The following MRPL9 variants were observed in gnomAD, a reference collection of about 807,000 sequenced individuals.
The protein encoded by MRPL9 is mitochondrial ribosomal protein L9.
MRPL9 carries 25 observed loss-of-function variants against 27.6 expected under a neutral mutation model. The ratio of observed to expected loss-of-function variants is 0.91; its 90% CI spans 0.66 to 1.27. The LOEUF (loss-of-function observed/expected upper bound fraction) is 1.27, where lower values mean the gene tolerates loss of function less well. MRPL9 is among the 50% of genes most tolerant of loss of function. MRPL9 has a pLI of 0.00. For synonymous variants in MRPL9, 154 were observed against 139.0 expected (o/e 1.11, Z -0.76); for missense variants, 362 against 338.0 (o/e 1.07, Z -0.56).
intron 3 of MRPL9, 56 bp downstream of exon 3, chr1:151,762,320 G>A (rs1204565569): frequency 9.3e-6 from 15 of 1,608,428 alleles, no homozygotes; most frequent in Non-Finnish European, 1.0e-5. Context: ...GAAGGAAGCT[G>A]CAAGAGAAAA....
At chr1:151,760,469 A>AG (rs1248401510) in intron 6 of MRPL9, among the ~76,000 whole-genome samples, 1 of 147,242 alleles carries the variant, frequency 6.8e-6, no homozygotes, top group African/African-American at 2.5e-5. Flanking sequence ...CCCAGCTACT[A>AG]GGGGGACTGA....
In MRPL9 at chr1:151,760,903, C is replaced by CAAAAAAAAAAAAAAAAAAAAAAAAAAA. The variant is rs755031728; in HGVS notation, c.589-5_589-4insTTTTTTTTTTTTTTTTTTTTTTTTTTT. ...GTGGGGCAACCACAACACCAAGCTG[C>CAAAAAAAAAAAAAAAAAAAAAAAAAAA]AAAAAAAAAAAAAAAAAAAAAAATC... On this transcript the variant is annotated splice_polypyrimidine_tract_variant and splice_region_variant and intron_variant, in intron 5 of 6. Transcript: ENST00000368830. 23 of 953,912 alleles carry CAAAAAAAAAAAAAAAAAAAAAAAAAAA rather than the reference C, an allele frequency of 2.4e-5. No individual in the cohort carries two copies. Among genetic ancestry groups the CAAAAAAAAAAAAAAAAAAAAAAAAAAA allele is most frequent in the African/African-American group, 1.1e-4 (4 of 35,842 alleles). 59.1% of individuals were successfully genotyped at this position (953,912 alleles called of 1,614,324 possible). A position where few individuals can be genotyped will look rare whatever the true frequency, so the allele number is the denominator to read the frequency against.
In MRPL9 at chr1:151,762,317, G is replaced by A. The variant is rs775419620; in HGVS notation, c.435+59C>T. 26 of 1,606,422 alleles carry A rather than the reference G, an allele frequency of 1.6e-5. No homozygotes were observed. The African/African-American group carries it at 2.4e-4, about 15-fold the overall frequency. ...TAAGTTAAATGTCAAAGGGAAGGAA[G>A]CTGCAAGAGAAAAGAAGTTTTATCT... is the stretch of plus-strand genomic sequence containing the variant. On this transcript the variant is annotated intron_variant, in intron 3 of 6. Coordinates refer to ENST00000368830, the MANE Select transcript of MRPL9 (RefSeq NM_031420.4).
chr1:151,761,391 T>G (rs1012301273), intron 5 of MRPL9, 60 bp downstream of exon 5: 1 of 1,190,320 alleles, frequency 8.4e-7, no homozygotes, highest in Non-Finnish European at 1.3e-6. Flanking sequence ...ATCCCAGGCC[T>G]CCTTTCCAGA....
In MRPL9 at chr1:151,760,921, A is replaced by AAAAAAAAAT. The variant is rs1553276958; in HGVS notation, c.589-23_589-22insATTTTTTTT. ...CAAGCTGCAAAAAAAAAAAAAAAAA[A>AAAAAAAAAT]AAAAATCTCAGCTCAAATGAACTCT... On this transcript the variant is annotated intron_variant, in intron 5 of 6. Coordinates refer to ENST00000368830, the MANE Select transcript of MRPL9 (RefSeq NM_031420.4). 106 of 1,541,060 alleles carry AAAAAAAAAT rather than the reference A, an allele frequency of 6.9e-5. 1 individual carries two copies. In the African/African-American group the frequency reaches 1.4e-3, roughly 20 times the overall value.
intron 4 of MRPL9, 25 bp downstream of exon 4, chr1:151,762,079 TA>T: frequency 1.3e-6 from 2 of 1,599,198 alleles, no homozygotes; most frequent in Non-Finnish European, 8.5e-7. Context: ...TTGTGACAAA[TA>T]AACACTTTTT....
chr1:151,762,596 G>A, intron 2 of MRPL9, 96 bp from the exon 3 acceptor site: 1 of 1,304,784 alleles, frequency 7.7e-7, no homozygotes, highest in Middle Eastern at 2.2e-4. Context: ...TTCTCACAGT[G>A]CTTATTTTTC....
intron 5 of MRPL9, 49 bp downstream of exon 5, chr1:151,761,402 G>C: frequency 7.5e-7 from 1 of 1,332,212 alleles, no homozygotes; most frequent in Non-Finnish European, 1.1e-6. Context: ...CCTTTCCAGA[G>C]GCAGCTTCCA....
chr1:151,763,257 C>A, intron 1 of MRPL9, 70 bp downstream of exon 1: 2 of 1,540,470 alleles, frequency 1.3e-6, no homozygotes, highest in Non-Finnish European at 1.8e-6. Flanking sequence ...TCGGCCCCCT[C>A]CAGGTCCCAG....
chr1:151,759,906 C>T lies in MRPL9; in HGVS notation c.*144G>A. 1 of 1,055,132 alleles carries T rather than the reference C, an allele frequency of 9.5e-7. No homozygotes were observed. The highest frequency in any genetic ancestry group is 2.8e-5 in the East Asian group (1 of 35,408). 65.4% of individuals were successfully genotyped at this position (1,055,132 alleles called of 1,614,324 possible). On this transcript the variant is annotated 3_prime_UTR_variant, in exon 7 of 7. Coordinates refer to ENST00000368830, the MANE Select transcript of MRPL9 (RefSeq NM_031420.4). ...AAGATGGCAAAAATGAAGAATTCAACATGTATACGCAGTGCAGTCTGATGT... is the reference window on the plus strand; with the variant it reads ...AAGATGGCAAAAATGAAGAATTCAATATGTATACGCAGTGCAGTCTGATGT...
rs1647993771 is a variant in MRPL9, at chr1:151,760,104, G to GTACT, written c.746_749dup (p.Tyr250Ter). ...CCTTGGCAGCTTGCTGGGCTAACCA[G>GTACT]TACTTATATCTTTTGGTCTTGGGCT... On this transcript the variant is annotated stop_gained and frameshift_variant, in exon 7 of 7. Transcript: ENST00000368830. LOFTEE classifies it low-confidence loss of function (END_TRUNC). 1 of 1,614,158 alleles carries GTACT rather than the reference G, an allele frequency of 6.2e-7. No individual in the cohort carries two copies. The highest frequency in any genetic ancestry group is 1.3e-5 in the African/African-American group (1 of 75,038).
intron 5 of MRPL9, among the ~76,000 whole-genome samples, 158 bp downstream of exon 5, chr1:151,761,293 A>C (rs1246345960): frequency 6.6e-6 from 1 of 152,154 alleles, no homozygotes; most frequent in Non-Finnish European, 1.5e-5. Context: ...GTCCTTAGCC[A>C]TTTCCTTCCC....
chr1:151,761,548 ACTGT>A lies in MRPL9; in HGVS notation c.487_490del (p.Thr163Ter). 6.2e-7 allele frequency: 1 copy of A among 1,608,802 alleles called. No individual in the cohort carries two copies. Among genetic ancestry groups the A allele is most frequent in the South Asian group, 1.1e-5 (1 of 90,980 alleles). ...CAGGCGACAGCTTTTTAGAAATTTC[ACTGT>A]CTGAAAGGAATTATGAGTTTGAGTC... On this transcript the variant is annotated frameshift_variant and splice_region_variant, in exon 5 of 7. Transcript: ENST00000368830. LOFTEE classifies it high-confidence loss of function.
chr1:151,762,445 T>TCGA lies in MRPL9; in HGVS notation c.363_365dup (p.Arg122dup). 3 of 1,613,280 alleles carry TCGA rather than the reference T, an allele frequency of 1.9e-6. No individual in the cohort carries two copies. Among genetic ancestry groups the TCGA allele is most frequent in the Non-Finnish European group, 8.5e-7 (1 of 1,179,798 alleles). On this transcript the variant is annotated inframe_insertion, in exon 3 of 7. Transcript: ENST00000368830. ...ATACAGCCAGTCCCTGAGGAAGGAG[T>TCGA]CGATTCCGGCCTAAAGATTTCTTCA... is the stretch of plus-strand genomic sequence containing the variant.
chr1:151,762,640 C>G, intron 2 of MRPL9, 140 bp from the exon 3 acceptor site: 1 of 877,288 alleles, frequency 1.1e-6, no homozygotes. Context: ...TCACTAGGAA[C>G]AAGATTTAAG....
At chr1:151,760,921 A>AAAAAAAAAAAAAAAAAAAAAT (rs1553276958) in intron 5 of MRPL9, 22 bp from the exon 6 acceptor site, 1 of 1,539,428 alleles carries the variant, frequency 6.5e-7, no homozygotes, top group African/African-American at 1.5e-5. Flanking sequence ...AAAAAAAAAA[A>AAAAAAAAAAAAAAAAAAAAAT]AAAAATCTCA....
intron 6 of MRPL9, among the ~76,000 whole-genome samples, 173 bp downstream of exon 6, chr1:151,760,643 C>T (rs1212098616): frequency 4.1e-5 from 6 of 144,890 alleles, no homozygotes; most frequent in Non-Finnish European, 9.0e-5. Flanking sequence ...CGGTGGCTAA[C>T]GCCTGTAGTC....
Position 151,761,436 on chromosome 1 carries a change from G to C in MRPL9, c.588+15C>G, listed in dbSNP as rs1648075418. The C allele has an allele frequency of 3.8e-6, 6 of 1,595,596 alleles. No individual in the cohort carries two copies. In the Admixed American group the frequency reaches 1.0e-4, roughly 27 times the overall value. On this transcript the variant is annotated intron_variant, in intron 5 of 6. Transcript: ENST00000368830. ...CACCTCAGGGGTAGAGTGGTTTTTG[G>C]GAACACTCACTCACATTCTTAAAGA...
intron 2 of MRPL9, 136 bp downstream of exon 2, chr1:151,762,854 G>T: frequency 9.2e-7 from 1 of 1,085,950 alleles, no homozygotes; most frequent in Non-Finnish European, 1.3e-6. Context: ...AGTTTTTATG[G>T]CTTCCTCTTC....
Sources: gnomAD v4.1 joint callset for allele counts (sites outside exome capture counted in the v4.1 genomes callset) on GRCh38, gnomAD v4.1.1 for gene constraint, MANE v1.5 for transcripts, NCBI Gene and HGNC (gene_info 2026-07-23, HGNC 2026-07-21) for gene names.